ZNF800: variants seen among roughly 807,000 people sequenced by gnomAD.
ZNF800 encodes the protein zinc finger protein 800.
A neutral mutation model predicts 59.5 loss-of-function variants in ZNF800; 13 were observed. That is an observed-to-expected ratio of 0.22 (90% CI 0.14 to 0.35). The LOEUF is 0.35. Ranked by LOEUF, ZNF800 falls within the 10% of genes least tolerant of loss-of-function variation. The probability of loss-of-function intolerance (pLI) is 1.00; values close to 1 mark genes in which losing one functional copy is unlikely to be tolerated. For missense variants in ZNF800, 621 were observed against 783.7 expected (o/e 0.79, Z 2.48); for synonymous variants, 266 against 265.7 (o/e 1.00, Z -0.01).
At chr7:127,347,388 G>GAGGGGGAGA (rs1800085656) in exon 2 of ZNF800, 1 of 144,984 alleles carries the variant, frequency 6.9e-6, no homozygotes, top group African/African-American at 2.5e-5. Flanking sequence ...TGGCGGGGGG[G>GAGGGGGAGA]TGGGGAGGTG....
At chr7:127,380,472 T>C (rs572921125) in intron 3 of ZNF800, among the ~76,000 whole-genome samples, 27 of 152,348 alleles carry the variant, frequency 1.8e-4, no homozygotes, top group African/African-American at 6.3e-4. Context: ...AAATAAGGTG[T>C]GTCTCAGTCC....
chr7:127,389,225 A>G (rs535734643), intron 2 of ZNF800, among the ~76,000 whole-genome samples: 9 of 152,154 alleles, frequency 5.9e-5, no homozygotes, highest in Non-Finnish European at 1.3e-4. Flanking sequence ...AGGAAAAGAG[A>G]TTGTCCATGT....
At position 127,372,649 on chromosome 7, in the gene ZNF800, A is replaced by C. The variant is rs573927773; in HGVS notation, c.1994+693T>G. ...GAGGGGAAGCATTTGGGACCTAAAT[A>C]AGCATTGTTTCCATAGATCAAAACT... On this transcript the variant is annotated intron_variant, in intron 5 of 5. Transcript: ENST00000265827. The C allele has an allele frequency of 8.1e-6, 8 of 985,176 alleles. No individual in the cohort carries two copies. In the African/African-American group the frequency reaches 1.0e-4, roughly 13 times the overall value. The allele number at this position is 985,176 out of a possible 1,614,324, so 61.0% of individuals were successfully genotyped here. A position where few individuals can be genotyped will look rare whatever the true frequency, so the allele number is the denominator to read the frequency against.
At position 127,374,317 on chromosome 7, in the gene ZNF800, G is replaced by C. The variant is rs1326136487; in HGVS notation, c.1019C>G (p.Ser340Cys). Reference sequence around the variant, plus strand: ...AGACTTTTGTTTTCGAGTCTTAAAAGATTTTTTAGGAGAAATAGAATCCAG... The same window carrying C: ...AGACTTTTGTTTTCGAGTCTTAAAACATTTTTTAGGAGAAATAGAATCCAG... The part of the protein sequence containing the change: ...LFLDSISPKK[S>C]FKTRKQKSSS... Residue 340 changes from serine (S) to cysteine (C), a missense_variant, in exon 5 of 6, where the codon TCT becomes TGT. Ser to Cys is a moderately radical substitution (Grantham distance 112, BLOSUM62 -1). Around this residue, in one of 7 missense-constraint regions of ZNF800, gnomAD observed 185 missense variants for 177.6 expected, o/e 1.04. Transcript: ENST00000265827. The C allele has an allele frequency of 1.2e-6, 2 of 1,613,178 alleles. No individual in the cohort carries two copies. The highest frequency in any genetic ancestry group is 1.7e-6 in the Non-Finnish European group (2 of 1,179,780).
chr7:127,353,413 A>G (rs1026864339), intron 1 of ZNF800, among the ~76,000 whole-genome samples: 2 of 152,206 alleles, frequency 1.3e-5, no homozygotes, highest in African/African-American at 2.4e-5. Flanking sequence ...AGGGTTGAGG[A>G]TAACACACGT....
At chr7:127,376,156 G>A (rs541625830) in intron 4 of ZNF800, among the ~76,000 whole-genome samples, 73 of 151,878 alleles carry the variant, frequency 4.8e-4, no homozygotes, top group Middle Eastern at 3.4e-3. Context: ...AATAGTAGTA[G>A]GAAATATTTC....
chr7:127,379,740 T>C (rs1157981886), intron 3 of ZNF800, among the ~76,000 whole-genome samples: 1 of 152,020 alleles, frequency 6.6e-6, no homozygotes, highest in Non-Finnish European at 1.5e-5. Flanking sequence ...GGACTGCATA[T>C]TTATTCTCAA....
rs1162260734 is a variant in ZNF800, at chr7:127,370,500, G to A, written c.*1314C>T. On this transcript the variant is annotated 3_prime_UTR_variant, in exon 6 of 6. Transcript: ENST00000265827. ...CAGTATATTTTAGTGCAAAGCACTG[G>A]GAAGGTAAATGTTTTTCTAGCTATA... 6.6e-6 allele frequency: 1 copy of A among 152,500 alleles called. No homozygotes were observed. Among genetic ancestry groups the A allele is most frequent in the Non-Finnish European group, 1.5e-5 (1 of 67,966 alleles). 9.4% of individuals were successfully genotyped at this position (152,500 alleles called of 1,614,324 possible).
rs1039064432 is a variant in ZNF800, at chr7:127,370,786, T to G, written c.*1028A>C. On this transcript the variant is annotated 3_prime_UTR_variant, in exon 6 of 6. Coordinates refer to ENST00000265827, the MANE Select transcript of ZNF800 (RefSeq NM_176814.5). ...TGTACTTCTGTTTTTCCTAAAATCT[T>G]GATTACAAAAATGGACAAGAATTCA... is the stretch of plus-strand genomic sequence containing the variant. 2.0e-5 allele frequency: 3 copies of G among 152,520 alleles called. No individual in the cohort carries two copies. The highest frequency in any genetic ancestry group is 2.9e-5 in the Non-Finnish European group (2 of 67,966). 9.4% of individuals were successfully genotyped at this position (152,520 alleles called of 1,614,324 possible).
downstream of ZNF800, among the ~76,000 whole-genome samples, chr7:127,369,889 G>T (rs1361903181): frequency 3.3e-5 from 5 of 151,968 alleles, no homozygotes; most frequent in Non-Finnish European, 1.5e-5. Context: ...AAGCAGAGAG[G>T]GAAAGGCTGG....
intron 3 of ZNF800, among the ~76,000 whole-genome samples, chr7:127,378,091 T>C (rs1587444686): frequency 2.0e-5 from 3 of 152,222 alleles, no homozygotes; most frequent in African/African-American, 7.2e-5. Flanking sequence ...TCTTCTCTAC[T>C]AGATTATACA....
At chr7:127,343,113 A>G (rs1799997043), downstream of ZNF800, among the ~76,000 whole-genome samples, 1 of 152,090 alleles carries the variant, frequency 6.6e-6, no homozygotes, top group African/African-American at 2.4e-5. Context: ...TTATAGTCTT[A>G]CGTGTCCTAT....
chr7:127,344,876 A>T (rs1285082472), downstream of ZNF800, among the ~76,000 whole-genome samples: 1 of 152,176 alleles, frequency 6.6e-6, no homozygotes, highest in Non-Finnish European at 1.5e-5. Context: ...ATCTGAAAAA[A>T]TGAAATAAAA....
intron 1 of ZNF800, among the ~76,000 whole-genome samples, chr7:127,355,484 T>C (rs1800252609): frequency 1.3e-5 from 2 of 152,054 alleles, no homozygotes; most frequent in Non-Finnish European, 2.9e-5. Flanking sequence ...AATGGTAAGG[T>C]AAATGTGAGT....
chr7:127,386,520 A>C (rs1397928053), intron 2 of ZNF800, among the ~76,000 whole-genome samples: 1 of 152,194 alleles, frequency 6.6e-6, no homozygotes, highest in Admixed American at 6.5e-5. Flanking sequence ...TCAAAATTCT[A>C]AGGCAATGGT....
At chr7:127,384,224 CTTCTTTT>C (rs1562909594) in intron 3 of ZNF800, among the ~76,000 whole-genome samples, 2 of 59,242 alleles carry the variant, frequency 3.4e-5, no homozygotes, top group Non-Finnish European at 6.8e-5. Flanking sequence ...CTAATTCTAA[CTTCTTTT>C]TTTTTTTTTT....
intron 1 of ZNF800, chr7:127,362,976 GA>G (rs1165430155): frequency 6.6e-6 from 1 of 152,152 alleles, no homozygotes; most frequent in Non-Finnish European, 1.5e-5. Context: ...AAGCAAACGT[GA>G]AAAACATTCA....
intron 3 of ZNF800, among the ~76,000 whole-genome samples, chr7:127,382,266 G>A (rs1044147390): frequency 3.3e-5 from 5 of 151,914 alleles, no homozygotes; most frequent in African/African-American, 1.2e-4. Context: ...TAACCATAGG[G>A]GCATTCCATA....
At chr7:127,378,033 C>T (rs1047473034) in intron 3 of ZNF800, among the ~76,000 whole-genome samples, 1 of 152,020 alleles carries the variant, frequency 6.6e-6, no homozygotes, top group Non-Finnish European at 1.5e-5. Context: ...TCCCTTAAAA[C>T]ACCCCAATTA....
Sources: gnomAD v4.1 joint callset for allele counts (sites outside exome capture counted in the v4.1 genomes callset) on GRCh38, gnomAD v4.1.1 for gene constraint, gnomAD v4.1.1 regional missense constraint, MANE v1.5 for transcripts, NCBI Gene and HGNC (gene_info 2026-07-23, HGNC 2026-07-21) for gene names.